Variants in DNAH11 observed in about 807,000 individuals in gnomAD.
The protein encoded by DNAH11 is dynein axonemal heavy chain 11.
A neutral mutation model predicts 526.0 loss-of-function variants in DNAH11; 442 were observed. That is an observed-to-expected ratio of 0.84 (90% CI 0.78 to 0.91). The LOEUF (loss-of-function observed/expected upper bound fraction) is 0.91, where lower values mean the gene tolerates loss of function less well. Among genes scored for constraint, DNAH11 ranks in the 40% least tolerant of loss-of-function variants. The pLI is 0.00. For missense variants in DNAH11, 6,989 were observed against 5,448.7 expected (o/e 1.28, Z -8.90); for synonymous variants, 2,461 against 1,935.9 (o/e 1.27, Z -7.12).
chr7:21,763,353 A>AAGAAAAGAAG lies in DNAH11; in HGVS notation c.8941-2074_8941-2073insGAAAAGAAGA, dbSNP rs1554278438. Among the ~76,000 whole-genome samples, 2 of 56,964 alleles carry AAGAAAAGAAG rather than the reference A, an allele frequency of 3.5e-5. 1 individual carries two copies. 37.4% of individuals were successfully genotyped at this position (56,964 alleles called of 152,430 possible). A position where few individuals can be genotyped will look rare whatever the true frequency, so the allele number is the denominator to read the frequency against. The stretch of plus-strand genomic sequence containing the variant: ...CAAGACTGTCTCAAAAAAAAAAAAA[A>AAGAAAAGAAG]AAAGAAAAAAAAAAAGACTTACAAA... On this transcript the variant is annotated intron_variant, in intron 54 of 81. Coordinates refer to ENST00000409508, the MANE Select transcript of DNAH11 (RefSeq NM_001277115.2).
rs759252870 is a variant in DNAH11, at chr7:21,842,763, G to A, written c.10896+15G>A. On this transcript the variant is annotated intron_variant, in intron 66 of 81. Transcript: ENST00000409508. ...AGAAACTTAAGGTAAAAATGTTTAC[G>A]TCACCACCAACACTTAGTCGGCATT... 42 of 1,587,384 alleles carry A rather than the reference G, an allele frequency of 2.6e-5. No homozygotes were observed. The highest frequency in any genetic ancestry group is 5.4e-5 in the Admixed American group (3 of 55,860).
Position 21,749,671 on chromosome 7 carries a change from C to A in DNAH11, c.8674-7C>A. The A allele has an allele frequency of 6.2e-7, 1 of 1,613,724 alleles. No homozygotes were observed. Among genetic ancestry groups the A allele is most frequent in the Non-Finnish European group, 8.5e-7 (1 of 1,179,770 alleles). ...AACAAAACATGAGTGATGGCCTTTCCTTACAGGTAGATCTTGCCAATTTGT... is the reference window on the plus strand; with the variant it reads ...AACAAAACATGAGTGATGGCCTTTCATTACAGGTAGATCTTGCCAATTTGT... On this transcript the variant is annotated splice_polypyrimidine_tract_variant and splice_region_variant and intron_variant, in intron 52 of 81. Coordinates refer to ENST00000409508, the MANE Select transcript of DNAH11 (RefSeq NM_001277115.2).
intron 70 of DNAH11, among the ~76,000 whole-genome samples, chr7:21,865,191 A>G (rs187357201): frequency 5.3e-5 from 8 of 152,290 alleles, no homozygotes; most frequent in Admixed American, 5.2e-4. Flanking sequence ...GTTAGAAGTT[A>G]ATTCTTCCAG....
chr7:21,626,652 G>A, intron 25 of DNAH11, among the ~76,000 whole-genome samples: 1 of 151,918 alleles, frequency 6.6e-6, no homozygotes, highest in African/African-American at 2.4e-5. Flanking sequence ...TTTAACTGGG[G>A]TGACATCATA....
intron 76 of DNAH11, among the ~76,000 whole-genome samples, chr7:21,885,419 A>G (rs1321866545): frequency 6.6e-6 from 1 of 151,832 alleles, no homozygotes; most frequent in East Asian, 1.9e-4. Flanking sequence ...CTGATCTCCT[A>G]TAAATGGTGA....
Position 21,600,875 on chromosome 7 carries a change from A to T in DNAH11, c.3200A>T (p.His1067Leu), listed in dbSNP as rs770973105. 4 of 1,613,840 alleles carry T rather than the reference A, an allele frequency of 2.5e-6. No homozygotes were observed. Among genetic ancestry groups the T allele is most frequent in the African/African-American group, 1.3e-5 (1 of 74,932 alleles). ...HAVSSDEMDA[H>L]ANEEIPEQPP... Reference sequence around the variant, plus strand: ...GTGTCTTCCGATGAAATGGATGCTCATGCAAATGAAGAAATTCCCGAACAA... The same window carrying T: ...GTGTCTTCCGATGAAATGGATGCTCTTGCAAATGAAGAAATTCCCGAACAA... Residue 1067 changes from histidine to leucine, a missense_variant, in exon 16 of 82, where the codon CAT (histidine) becomes CTT (leucine). Coordinates refer to ENST00000409508, the MANE Select transcript of DNAH11 (RefSeq NM_001277115.2).
At chr7:21,827,398 A>C (rs1182156339) in intron 65 of DNAH11, among the ~76,000 whole-genome samples, 29 of 151,948 alleles carry the variant, frequency 1.9e-4, no homozygotes, top group Admixed American at 1.9e-3. Flanking sequence ...TAATCTTTCA[A>C]ATACCCCTAA....
At chr7:21,573,281 T>C (rs1251859405) in intron 8 of DNAH11, among the ~76,000 whole-genome samples, 7 of 147,884 alleles carry the variant, frequency 4.7e-5, no homozygotes, top group Non-Finnish European at 1.0e-4. Context: ...GTATTTGTAT[T>C]TTGGAAGCCT....
At chr7:21,637,057 T>C (rs1786896428) in intron 26 of DNAH11, among the ~76,000 whole-genome samples, 1 of 152,182 alleles carries the variant, frequency 6.6e-6, no homozygotes, top group Admixed American at 6.5e-5. Context: ...CTACCTGAAG[T>C]AGAAGTCACA....
intron 30 of DNAH11, among the ~76,000 whole-genome samples, chr7:21,670,092 C>T (rs939249302): frequency 1.3e-5 from 2 of 151,986 alleles, no homozygotes; most frequent in African/African-American, 4.8e-5. Context: ...AATTAAATTG[C>T]GACTGGGGCA....
At chr7:21,806,216 A>T (rs78326981) in intron 62 of DNAH11, among the ~76,000 whole-genome samples, 23 of 152,336 alleles carry the variant, frequency 1.5e-4, no homozygotes, top group Middle Eastern at 3.4e-3. Flanking sequence ...CAATCAGTCT[A>T]TGTTTAGTGA....
At chr7:21,813,419 T>C (rs1210379397) in intron 63 of DNAH11, among the ~76,000 whole-genome samples, 1 of 152,144 alleles carries the variant, frequency 6.6e-6, no homozygotes, top group Non-Finnish European at 1.5e-5. Context: ...CTTGTAAGGG[T>C]TAAATGAAAA....
intron 40 of DNAH11, among the ~76,000 whole-genome samples, chr7:21,709,050 G>A (rs79002166): frequency 0.026 from 3,985 of 152,228 alleles, 198 homozygotes; most frequent in East Asian, 0.2. Flanking sequence ...CGGAACTACC[G>A]TTTGACCCAG....
intron 65 of DNAH11, among the ~76,000 whole-genome samples, chr7:21,832,117 C>G (rs1375901084): frequency 3.9e-5 from 6 of 151,900 alleles, no homozygotes; most frequent in African/African-American, 1.5e-4. Flanking sequence ...GTCACTTGCA[C>G]CCAGAAGCAA....
In DNAH11 at chr7:21,854,420, C is replaced by CA; in HGVS notation, c.11173dup (p.Ile3725AsnfsTer13). ...TCTTTATTTTGTTATTAATGACCTC[C>CA]AAAAAATCAACCCCCTCTACCAATT... On this transcript the variant is annotated frameshift_variant, in exon 68 of 82. Coordinates refer to ENST00000409508, the MANE Select transcript of DNAH11 (RefSeq NM_001277115.2). LOFTEE classifies it high-confidence loss of function. 1 of 1,613,716 alleles carries CA rather than the reference C, an allele frequency of 6.2e-7. No individual in the cohort carries two copies. Among genetic ancestry groups the CA allele is most frequent in the South Asian group, 1.1e-5 (1 of 91,064 alleles).
chr7:21,550,957 C>A (rs1782999248), intron 2 of DNAH11, among the ~76,000 whole-genome samples: 1 of 152,130 alleles, frequency 6.6e-6, no homozygotes, highest in Non-Finnish European at 1.5e-5. Context: ...GTTTTATAAT[C>A]ACCTTTTTGT....
At chr7:21,846,825 C>G (rs1033151219) in intron 66 of DNAH11, among the ~76,000 whole-genome samples, 4 of 152,082 alleles carry the variant, frequency 2.6e-5, no homozygotes, top group Non-Finnish European at 5.9e-5. Context: ...GTGAAATCAT[C>G]TGGACCTGGT....
intron 46 of DNAH11, among the ~76,000 whole-genome samples, chr7:21,737,194 G>A (rs1475302393): frequency 6.6e-6 from 1 of 152,158 alleles, no homozygotes; most frequent in Non-Finnish European, 1.5e-5. Flanking sequence ...CAAAGACATG[G>A]AAGAGAGAGA....
intron 30 of DNAH11, among the ~76,000 whole-genome samples, chr7:21,679,266 A>G (rs1562486269): frequency 6.6e-6 from 1 of 152,244 alleles, no homozygotes; most frequent in Non-Finnish European, 1.5e-5. Flanking sequence ...ATATTGGTCA[A>G]AGGGTACAAA....
Sources: gnomAD v4.1 joint callset for allele counts (sites outside exome capture counted in the v4.1 genomes callset) on GRCh38, gnomAD v4.1.1 for gene constraint, MANE v1.5 for transcripts, NCBI Gene and HGNC (gene_info 2026-07-23, HGNC 2026-07-21) for gene names.